The following SRCAP variants were observed in gnomAD, a reference collection of about 807,000 sequenced individuals.
SRCAP encodes Snf2 related CREBBP activator protein, also known as chromatin remodeling protein SRCAP.
A neutral mutation model predicts 263.1 loss-of-function variants in SRCAP; 46 were observed. The ratio of observed to expected loss-of-function variants is 0.17; its 90% confidence interval spans 0.14 to 0.22. SRCAP has a LOEUF of 0.22. SRCAP is among the 10% of genes least tolerant of loss of function. SRCAP has a pLI of 1.00. For missense variants in SRCAP, 3,695 were observed against 4,181.9 expected (o/e 0.88, Z 3.21); for synonymous variants, 1,813 against 1,662.1 (o/e 1.09, Z -2.21).
chr16:30,732,864 G>C (rs1322794687), intron 27 of SRCAP, among the ~76,000 whole-genome samples: 1 of 152,096 alleles, frequency 6.6e-6, no homozygotes, highest in Admixed American at 6.6e-5. Context: ...ACAGGGTCTC[G>C]CTTTGTTGCC....
At chr16:30,709,032 T>C (rs1402844432) in intron 6 of SRCAP, among the ~76,000 whole-genome samples, 1 of 152,166 alleles carries the variant, frequency 6.6e-6, no homozygotes, top group Non-Finnish European at 1.5e-5. Flanking sequence ...TCGGTCAGGC[T>C]GGTCTCGAAC....
At chr16:30,709,474 G>A in intron 6 of SRCAP, 39 bp from the exon 7 acceptor site, 2 of 1,604,506 alleles carry the variant, frequency 1.2e-6, no homozygotes, top group Non-Finnish European at 1.7e-6. Context: ...TAAATAAAAT[G>A]GTTATCTTGG....
In SRCAP at chr16:30,724,961, A is replaced by T; in HGVS notation, c.5537A>T (p.Asp1846Val). 6.2e-7 allele frequency: 1 copy of T among 1,614,072 alleles called. No individual in the cohort carries two copies. The highest frequency in any genetic ancestry group is 8.5e-7 in the Non-Finnish European group (1 of 1,180,014). The change falls in exon 25 of 34, where the codon GAT becomes GTT. Residue 1846 changes from aspartate (D) to valine (V), a missense_variant. By Grantham distance (152) the Asp-to-Val change is radical. Coordinates refer to ENST00000262518, the MANE Select transcript of SRCAP (RefSeq NM_006662.3). ...GTATCCCGGCTGCCTGTTTCCAAGG[A>T]TGAGCCTGACACACTGACATTGCGC... ...TMVSRLPVSK[D>V]EPDTLTLRSG...
Position 30,740,019 on chromosome 16 carries a change from A to C in SRCAP, c.*286A>C. The stretch of plus-strand genomic sequence containing the variant: ...ACTTGATTCCCCAGCTGTCTTTCAC[A>C]CAGCCCCCCACCCTTAGGGGAAGGG... On this transcript the variant is annotated 3_prime_UTR_variant, in exon 34 of 34. Transcript: ENST00000262518. 1 of 303,464 alleles carries C rather than the reference A, an allele frequency of 3.3e-6. No individual in the cohort carries two copies. Among genetic ancestry groups the C allele is most frequent in the Non-Finnish European group, 6.0e-6 (1 of 167,262 alleles). The allele number at this position is 303,464 out of a possible 1,614,324, so 18.8% of individuals were successfully genotyped here.
chr16:30,727,456 A>T (rs2053074483), intron 25 of SRCAP, among the ~76,000 whole-genome samples: 1 of 152,140 alleles, frequency 6.6e-6, no homozygotes, highest in Non-Finnish European at 1.5e-5. Context: ...GCAGTGGCAC[A>T]GTCTCCGCTC....
At position 30,721,007 on chromosome 16, in the gene SRCAP, C is replaced by A. The variant is rs59674151; in HGVS notation, c.3253+29C>A. 860 of 1,572,192 alleles carry A rather than the reference C, an allele frequency of 5.5e-4. 3 individuals carry two copies. The African/African-American group carries it at 0.01, about 19-fold the overall frequency. On this transcript the variant is annotated intron_variant, in intron 20 of 33. Transcript: ENST00000262518. ...AGTTGAAAGGGAGCCAAGGATGATG[C>A]GTGGTGCTTCAGAAAGGTTGTTCAG...
intron 21 of SRCAP, among the ~76,000 whole-genome samples, chr16:30,721,853 A>G (rs1284428309): frequency 6.6e-6 from 1 of 152,224 alleles, no homozygotes; most frequent in Non-Finnish European, 1.5e-5. Flanking sequence ...AGGACAGTGT[A>G]GAGCAGATGG....
chr16:30,731,803 T>G (rs994203323), intron 27 of SRCAP, among the ~76,000 whole-genome samples: 1 of 152,126 alleles, frequency 6.6e-6, no homozygotes, highest in African/African-American at 2.4e-5. Flanking sequence ...TCAGCTGTGA[T>G]CATGCCACTG....
chr16:30,711,300 G>A (rs997098992), intron 10 of SRCAP, among the ~76,000 whole-genome samples: 2 of 152,192 alleles, frequency 1.3e-5, no homozygotes, highest in African/African-American at 4.8e-5. Flanking sequence ...GAAATGGAGG[G>A]AAGAGCTAAT....
chr16:30,710,216 T>C, intron 8 of SRCAP, 88 bp downstream of exon 8: 4 of 1,407,528 alleles, frequency 2.8e-6, no homozygotes, highest in Non-Finnish European at 3.8e-6. Flanking sequence ...AGGTTGGTTA[T>C]GAGTTTTAGG....
At chr16:30,725,227 A>G in intron 25 of SRCAP, 145 bp downstream of exon 25, 1 of 1,421,432 alleles carries the variant, frequency 7.0e-7, no homozygotes, top group East Asian at 2.5e-5. Flanking sequence ...CATTTGGACA[A>G]GTCCCTTCTC....
rs1351021153 is a variant in SRCAP, at chr16:30,729,093, C to T, written c.5786C>T (p.Pro1929Leu). The T allele has an allele frequency of 6.2e-7, 1 of 1,614,044 alleles. No individual in the cohort carries two copies. Among genetic ancestry groups the T allele is most frequent in the African/African-American group, 1.3e-5 (1 of 74,916 alleles). ...GTEVLDFCTL[P>L]QPVASPIGPR... The stretch of plus-strand genomic sequence containing the variant: ...GAAGTCCTGGATTTCTGTACCCTGC[C>T]CCAACCTGTTGCCAGCCCCATCGGC... The change falls in exon 26 of 34, where the codon CCC becomes CTC. Residue 1929 changes from proline (P) to leucine (L), a missense_variant. Transcript: ENST00000262518.
intron 3 of SRCAP, among the ~76,000 whole-genome samples, chr16:30,702,607 C>T (rs1030747498): frequency 1.6e-5 from 2 of 123,146 alleles, no homozygotes. Flanking sequence ...TTCCCTCCCT[C>T]CCTCCCTCCC....
intron 11 of SRCAP, 44 bp from the exon 12 acceptor site, chr16:30,711,791 A>G: frequency 6.2e-7 from 1 of 1,610,214 alleles, no homozygotes; most frequent in Non-Finnish European, 8.5e-7. Context: ...TGGCCATTGG[A>G]AGAGCAGGTA....
rs529773481 is a variant in SRCAP at position 30,708,521 on chromosome 16, G to A, written c.633+809G>A. On this transcript the variant is annotated intron_variant, in intron 6 of 33. Coordinates refer to ENST00000262518, the MANE Select transcript of SRCAP (RefSeq NM_006662.3). ...TGATTCTCCTGCCTCAGGCTCTGGAGTAGCTGGGATTACAGGCATGTGCCA... is the reference window on the plus strand; with the variant it reads ...TGATTCTCCTGCCTCAGGCTCTGGAATAGCTGGGATTACAGGCATGTGCCA... Among the ~76,000 whole-genome samples the A allele has an allele frequency of 3.3e-5, 5 of 152,086 alleles. No individual in the cohort carries two copies. The South Asian group carries it at 1.0e-3, about 32-fold the overall frequency.
At position 30,739,268 on chromosome 16, in the gene SRCAP, G is replaced by A; in HGVS notation, c.9228G>A (p.Met3076Ile). The A allele has an allele frequency of 6.2e-7, 1 of 1,614,002 alleles. No homozygotes were observed. Among genetic ancestry groups the A allele is most frequent in the Non-Finnish European group, 8.5e-7 (1 of 1,180,022 alleles). ...GCCTTCGGCTTGAAGCAGAAGGAAT[G>A]CGAGGACGGAAGAGTGGAGGGTCCA... ...LARLRLEAEGMRGRKSGGSMV... is the reference protein window; with the variant it reads ...LARLRLEAEGIRGRKSGGSMV... Residue 3076 changes from methionine (M) to isoleucine (I), a missense_variant, in exon 34 of 34, where the codon ATG becomes ATA. Coordinates refer to ENST00000262518, the MANE Select transcript of SRCAP (RefSeq NM_006662.3).
intron 30 of SRCAP, 28 bp downstream of exon 30, chr16:30,734,036 C>T (rs775496947): frequency 3.9e-6 from 6 of 1,552,682 alleles, no homozygotes; most frequent in South Asian, 1.2e-5. Context: ...TTAGCCTATG[C>T]AGGAGAAAAC....
At position 30,738,202 on chromosome 16, in the gene SRCAP, G is replaced by T; in HGVS notation, c.8162G>T (p.Arg2721Leu). The T allele has an allele frequency of 6.2e-7, 1 of 1,614,152 alleles. No homozygotes were observed. The highest frequency in any genetic ancestry group is 8.5e-7 in the Non-Finnish European group (1 of 1,180,036). Residue 2721 changes from arginine (R) to leucine (L), a missense_variant, in exon 34 of 34, where the codon CGG becomes CTG. Transcript: ENST00000262518. ...PEGPSPARPPRRRTSADVEIR... is the reference protein window; with the variant it reads ...PEGPSPARPPLRRTSADVEIR... ...GGTCCTTCACCTGCCCGACCTCCTCGGCGTCGCACCAGTGCTGATGTGGAA... is the reference window on the plus strand; with the variant it reads ...GGTCCTTCACCTGCCCGACCTCCTCTGCGTCGCACCAGTGCTGATGTGGAA...
At chr16:30,702,637 T>TTCTC (rs1429110305) in intron 3 of SRCAP, among the ~76,000 whole-genome samples, 19 of 129,920 alleles carry the variant, frequency 1.5e-4, no homozygotes, top group Admixed American at 6.6e-4. Flanking sequence ...CCTTCCTTCC[T>TTCTC]TCTCTCCCTC....
Sources: gnomAD v4.1 joint callset for allele counts (sites outside exome capture counted in the v4.1 genomes callset) on GRCh38, gnomAD v4.1.1 for gene constraint, MANE v1.5 for transcripts, NCBI Gene and HGNC (gene_info 2026-07-23, HGNC 2026-07-21) for gene names.